EPHB1: variants seen among roughly 807,000 people sequenced by gnomAD.
The protein encoded by EPHB1 is EPH receptor B1.
In EPHB1, 30 loss-of-function variants were observed where a neutral mutation model predicts 94.4. That is an observed-to-expected ratio of 0.32 (90% CI 0.24 to 0.43). The LOEUF (loss-of-function observed/expected upper bound fraction) is 0.43. Ranked by LOEUF, EPHB1 falls within the 20% of genes least tolerant of loss-of-function variation. The probability of loss-of-function intolerance (pLI) is 1.00; values close to 1 mark genes in which losing one functional copy is unlikely to be tolerated. For missense variants in EPHB1, 1,055 were observed against 1,308.3 expected (o/e 0.81, Z 2.99); for synonymous variants, 522 against 489.1 (o/e 1.07, Z -0.89).
chr3:134,963,676 A>C (rs1315232714), intron 3 of EPHB1, among the ~76,000 whole-genome samples: 1 of 152,170 alleles, frequency 6.6e-6, no homozygotes, highest in Non-Finnish European at 1.5e-5. Flanking sequence ...AATTTTCTCA[A>C]GATCATACAA....
Position 135,038,393 on chromosome 3 carries a change from G to A in EPHB1, c.806-68055G>A, listed in dbSNP as rs79282643. ...TTCCTCTTTGGTCAGTTCGTGCCCT[G>A]AGTAAACATGTAAGTCCTGCTCCTC... On this transcript the variant is annotated intron_variant, in intron 3 of 15. Transcript: ENST00000398015. Among the ~76,000 whole-genome samples, 33 of 152,300 alleles carry A rather than the reference G, an allele frequency of 2.2e-4. No homozygotes were observed. The East Asian group carries it at 3.9e-3, about 18-fold the overall frequency.
chr3:134,901,140 T>C (rs1234529880), intron 1 of EPHB1, among the ~76,000 whole-genome samples: 2 of 152,222 alleles, frequency 1.3e-5, no homozygotes, highest in Admixed American at 1.3e-4. Flanking sequence ...CATATTTTCT[T>C]TCTTTAACAT....
chr3:135,256,040 C>A (rs1933369137), intron 15 of EPHB1, among the ~76,000 whole-genome samples: 1 of 151,328 alleles, frequency 6.6e-6, no homozygotes, highest in Non-Finnish European at 1.5e-5. Context: ...AGGATTGCAA[C>A]CCCTGCCTTC....
At chr3:134,797,234 G>C (rs1001113330) in intron 1 of EPHB1, among the ~76,000 whole-genome samples, 7 of 152,196 alleles carry the variant, frequency 4.6e-5, no homozygotes, top group East Asian at 1.9e-4. Flanking sequence ...TTTTTGGAAC[G>C]TGCAGGAGAA....
intron 1 of EPHB1, among the ~76,000 whole-genome samples, chr3:134,892,286 TC>T (rs2037999868): frequency 6.6e-6 from 1 of 152,168 alleles, no homozygotes; most frequent in African/African-American, 2.4e-5. Flanking sequence ...TTGTCACAGT[TC>T]TTGAGACAGG....
intron 4 of EPHB1, among the ~76,000 whole-genome samples, chr3:135,106,959 C>T (rs1939242022): frequency 6.6e-6 from 1 of 152,174 alleles, no homozygotes; most frequent in Non-Finnish European, 1.5e-5. Context: ...GTGCCTATAG[C>T]TGAGAATCTC....
chr3:135,165,998 T>G lies in EPHB1; in HGVS notation c.1616T>G (p.Leu539Arg), dbSNP rs1941641601. Residue 539 changes from leucine to arginine, a missense_variant, in exon 8 of 16, where the codon CTG becomes CGG. Leu to Arg is a moderately radical substitution (Grantham distance 102, BLOSUM62 -2). Coordinates refer to ENST00000398015, the MANE Select transcript of EPHB1 (RefSeq NM_004441.5). Reference sequence around the variant, plus strand: ...TACAAGTCAGAGCTGAGGGAGCAGCTGCCCCTGATTGCTGGCTCGGCAGCG... The same window carrying G: ...TACAAGTCAGAGCTGAGGGAGCAGCGGCCCCTGATTGCTGGCTCGGCAGCG... ...DDYKSELREQ[L>R]PLIAGSAAAG... 6.2e-7 allele frequency: 1 copy of G among 1,614,014 alleles called. No homozygotes were observed. Among genetic ancestry groups the G allele is most frequent in the East Asian group, 2.2e-5 (1 of 44,884 alleles).
chr3:134,820,995 C>T (rs1296103445), intron 1 of EPHB1, among the ~76,000 whole-genome samples: 1 of 152,136 alleles, frequency 6.6e-6, no homozygotes, highest in African/African-American at 2.4e-5. Context: ...CCCAGGAGAG[C>T]TGATGGGTAG....
chr3:134,795,411 A>G lies in EPHB1; in HGVS notation c.-221A>G. ...ACACACCCACCTCTCCCATAAACAC[A>G]CACACACACATGCACACCCACACCC... On this transcript the variant is annotated 5_prime_UTR_variant, in exon 1 of 16. Coordinates refer to ENST00000398015, the MANE Select transcript of EPHB1 (RefSeq NM_004441.5). 1 of 551,926 alleles carries G rather than the reference A, an allele frequency of 1.8e-6. No individual in the cohort carries two copies. Among genetic ancestry groups the G allele is most frequent in the Non-Finnish European group, 3.2e-6 (1 of 317,260 alleles). The allele number at this position is 551,926 out of a possible 1,614,324, so 34.2% of individuals were successfully genotyped here.
chr3:135,085,850 G>C (rs1938342584), intron 3 of EPHB1, among the ~76,000 whole-genome samples: 1 of 152,092 alleles, frequency 6.6e-6, no homozygotes, highest in South Asian at 2.1e-4. Context: ...TTGAAATGAT[G>C]GTCTTTAATC....
rs747972159 is a variant in EPHB1, at chr3:135,086,385, AG to A, written c.806-20062del. The stretch of plus-strand genomic sequence containing the variant: ...ATGTCCATGCTCCCTACTTATTTCA[AG>A]ACTCAGTTCGACATCGTGCCCCACT... On this transcript the variant is annotated intron_variant, in intron 3 of 15. Coordinates refer to ENST00000398015, the MANE Select transcript of EPHB1 (RefSeq NM_004441.5). Among the ~76,000 whole-genome samples the A allele has an allele frequency of 7.2e-5, 11 of 151,980 alleles. No homozygotes were observed. The South Asian group carries it at 1.0e-3, about 14-fold the overall frequency.
chr3:135,079,985 C>A (rs550863159), intron 3 of EPHB1, among the ~76,000 whole-genome samples: 15 of 152,282 alleles, frequency 9.9e-5, no homozygotes, highest in African/African-American at 3.6e-4. Flanking sequence ...AGAGGTGTGA[C>A]AGTGCATCTC....
At chr3:134,936,092 G>C (rs1485408568) in intron 2 of EPHB1, among the ~76,000 whole-genome samples, 2 of 152,170 alleles carry the variant, frequency 1.3e-5, no homozygotes, top group Non-Finnish European at 2.9e-5. Context: ...AGTGTGAGGA[G>C]AGGAACACAG....
intron 12 of EPHB1, among the ~76,000 whole-genome samples, chr3:135,206,993 T>C (rs1010383084): frequency 6.6e-6 from 1 of 152,264 alleles, no homozygotes; most frequent in Admixed American, 6.5e-5. Context: ...TTTCAAAACA[T>C]GCACATATAC....
chr3:134,929,964 C>G (rs2038873488), intron 2 of EPHB1, among the ~76,000 whole-genome samples: 1 of 152,162 alleles, frequency 6.6e-6, no homozygotes, highest in Non-Finnish European at 1.5e-5. Context: ...CAGATTGTTT[C>G]TCTGCAGTCA....
At chr3:134,801,653 TA>T (rs1329126968) in intron 1 of EPHB1, among the ~76,000 whole-genome samples, 1 of 152,224 alleles carries the variant, frequency 6.6e-6, no homozygotes, top group Non-Finnish European at 1.5e-5. Flanking sequence ...AATAATAAAG[TA>T]ACACCTTGGG....
intron 5 of EPHB1, among the ~76,000 whole-genome samples, chr3:135,141,058 G>T (rs571940053): frequency 1.4e-4 from 21 of 151,758 alleles, no homozygotes; most frequent in Middle Eastern, 3.5e-3. Flanking sequence ...CTCGGGATCA[G>T]TTTCCTTCTG....
intron 12 of EPHB1, among the ~76,000 whole-genome samples, chr3:135,211,448 C>G (rs1021688592): frequency 2.6e-5 from 4 of 152,220 alleles, no homozygotes; most frequent in Non-Finnish European, 5.9e-5. Flanking sequence ...GTCTGAAGAA[C>G]TACCTTTAAC....
chr3:134,990,939 A>G (rs1440089750), intron 3 of EPHB1, among the ~76,000 whole-genome samples: 1 of 152,020 alleles, frequency 6.6e-6, no homozygotes, highest in Non-Finnish European at 1.5e-5. Context: ...GAGCTTTTGT[A>G]TTATTGAATT....
Sources: allele counts gnomAD v4.1 joint callset (sites outside exome capture counted in the v4.1 genomes callset), GRCh38; gene constraint gnomAD v4.1.1; transcripts MANE v1.5; gene names NCBI Gene and HGNC (gene_info 2026-07-23, HGNC 2026-07-21).